The following SPARC variants were observed in gnomAD, a reference collection of about 807,000 sequenced individuals.
SPARC encodes basement-membrane protein 40.
A neutral mutation model predicts 37.7 loss-of-function variants in SPARC; 23 were observed. The observed-to-expected ratio is 0.61, with a 90% CI of 0.44 to 0.87. The LOEUF is 0.87. Among genes scored for constraint, SPARC ranks in the 40% least tolerant of loss-of-function variants. The pLI, the probability that SPARC is intolerant of heterozygous loss-of-function variation, is 0.00. For missense variants in SPARC, 312 were observed against 389.0 expected (o/e 0.80, Z 1.66); for synonymous variants, 155 against 150.8 (o/e 1.03, Z -0.20).
rs1198996228 is a variant in SPARC at position 151,666,414 on chromosome 5, G to A, written c.681C>T (p.Tyr227=). The A allele has an allele frequency of 2.5e-6, 4 of 1,614,220 alleles. No homozygotes were observed. The highest frequency in any genetic ancestry group is 1.1e-5 in the South Asian group (1 of 91,088). The change falls in exon 8 of 10, where the codon TAC becomes TAT. Residue 227 remains tyrosine, a synonymous_variant. Coordinates refer to ENST00000231061, the MANE Select transcript of SPARC (RefSeq NM_003118.4). Reference sequence around the variant, plus strand: ...CGAACTGCCAGTGTACAGGGAAGATGTACATGTTATAGTTCTTCTCGAAGT... The same window carrying A: ...CGAACTGCCAGTGTACAGGGAAGATATACATGTTATAGTTCTTCTCGAAGT... ...ARDFEKNYNM[Y]IFPVHWQFGQ...
chr5:151,680,288 C>A (rs116523663), intron 1 of SPARC, among the ~76,000 whole-genome samples: 1 of 123,348 alleles, frequency 8.1e-6, no homozygotes, highest in African/African-American at 3.2e-5. Context: ...GTGTGGTTGG[C>A]GCAATCTCAG....
chr5:151,681,989 CAT>C (rs1761004915), intron 1 of SPARC, among the ~76,000 whole-genome samples: 1 of 152,176 alleles, frequency 6.6e-6, no homozygotes, highest in African/African-American at 2.4e-5. Flanking sequence ...TACCTTGGAA[CAT>C]CTGTACTTTC....
At chr5:151,666,744 AG>A (rs1328750628) in intron 7 of SPARC, among the ~76,000 whole-genome samples, 1 of 152,242 alleles carries the variant, frequency 6.6e-6, no homozygotes, top group South Asian at 2.1e-4. Context: ...CACCTGGCGA[AG>A]GCCGGGCACA....
intron 1 of SPARC, among the ~76,000 whole-genome samples, chr5:151,681,754 A>G (rs976926481): frequency 8.5e-5 from 13 of 152,296 alleles, no homozygotes; most frequent in African/African-American, 2.9e-4. Flanking sequence ...TTAGCCGGGC[A>G]TGGTGGCGGG....
In SPARC at chr5:151,673,573, C is replaced by G. The variant is rs532823157; in HGVS notation, c.121-357G>C. Among the ~76,000 whole-genome samples the G allele has an allele frequency of 2.6e-5, 4 of 152,278 alleles. No homozygotes were observed. The South Asian group carries it at 8.3e-4, about 32-fold the overall frequency. On this transcript the variant is annotated intron_variant, in intron 3 of 9. Coordinates refer to ENST00000231061, the MANE Select transcript of SPARC (RefSeq NM_003118.4). The stretch of plus-strand genomic sequence containing the variant: ...ACGCTTATCTGATTGCTTCCTCTCC[C>G]CTATTGTTTATGTAAAAATGCAGAT...
rs1271171343 is a variant in SPARC, at chr5:151,666,408, G to A, written c.687C>T (p.Phe229=). ...DFEKNYNMYI[F]PVHWQFGQLD... is the part of the protein sequence containing the mutation. Reference sequence around the variant, plus strand: ...GCTGGCCGAACTGCCAGTGTACAGGGAAGATGTACATGTTATAGTTCTTCT... The same window carrying A: ...GCTGGCCGAACTGCCAGTGTACAGGAAAGATGTACATGTTATAGTTCTTCT... Residue 229 remains phenylalanine, a synonymous_variant, in exon 8 of 10, where the codon TTC becomes TTT. Coordinates refer to ENST00000231061, the MANE Select transcript of SPARC (RefSeq NM_003118.4). 6.2e-7 allele frequency: 1 copy of A among 1,614,186 alleles called. No individual in the cohort carries two copies. The highest frequency in any genetic ancestry group is 8.5e-7 in the Non-Finnish European group (1 of 1,180,000).
At chr5:151,677,201 C>G (rs1467566829) in intron 1 of SPARC, among the ~76,000 whole-genome samples, 1 of 152,158 alleles carries the variant, frequency 6.6e-6, no homozygotes, top group African/African-American at 2.4e-5. Context: ...TCATTTCTTG[C>G]ACTAACTAAA....
chr5:151,676,115 G>A lies in SPARC; in HGVS notation c.57+17C>T. 6.2e-7 allele frequency: 1 copy of A among 1,605,386 alleles called. No homozygotes were observed. The highest frequency in any genetic ancestry group is 1.1e-5 in the South Asian group (1 of 89,334). ...GGTAGGAATGAAAACAAGAAGACAT[G>A]ATATTTAGGTACTTACAGGGGCTGC... is the stretch of plus-strand genomic sequence containing the variant. On this transcript the variant is annotated intron_variant, in intron 2 of 9. Coordinates refer to ENST00000231061, the MANE Select transcript of SPARC (RefSeq NM_003118.4).
chr5:151,669,487 T>G (rs937446162), intron 6 of SPARC, among the ~76,000 whole-genome samples, 177 bp downstream of exon 6: 1 of 152,020 alleles, frequency 6.6e-6, no homozygotes, highest in African/African-American at 2.4e-5. Context: ...GAACTCAGAG[T>G]TGAGAGGAGC....
At chr5:151,683,238 C>T (rs957851773) in intron 1 of SPARC, among the ~76,000 whole-genome samples, 2 of 152,220 alleles carry the variant, frequency 1.3e-5, no homozygotes, top group Non-Finnish European at 2.9e-5. Context: ...AGGGAGCAGC[C>T]GCCTACAGGC....
At chr5:151,682,878 T>C (rs1271015082) in intron 1 of SPARC, among the ~76,000 whole-genome samples, 2 of 152,244 alleles carry the variant, frequency 1.3e-5, no homozygotes, top group East Asian at 3.8e-4. Context: ...ACCAAGTTTC[T>C]GAAAGAAACC....
chr5:151,671,267 GC>G (rs1760743690), intron 5 of SPARC, among the ~76,000 whole-genome samples: 1 of 152,110 alleles, frequency 6.6e-6, no homozygotes, highest in African/African-American at 2.4e-5. Context: ...CTTCAGTTTG[GC>G]CCCAGAACCC....
chr5:151,667,596 G>A lies in SPARC; in HGVS notation c.456C>T (p.Ile152=), dbSNP rs1333392159. 6.2e-7 allele frequency: 1 copy of A among 1,614,108 alleles called. No individual in the cohort carries two copies. The highest frequency in any genetic ancestry group is 2.2e-5 in the East Asian group (1 of 44,872). The change falls in exon 7 of 10, where the codon ATC becomes ATT. Residue 152 remains isoleucine, a synonymous_variant. Coordinates refer to ENST00000231061, the MANE Select transcript of SPARC (RefSeq NM_003118.4). ...HLDYIGPCKY[I]PPCLDSELTE... is the part of the protein sequence containing the mutation. ...TCAGCTCAGAGTCCAGGCAAGGGGG[G>A]ATGTCTAGGTTCCAAACACAAGGGC...
chr5:151,668,080 C>A (rs1264802291), intron 6 of SPARC, among the ~76,000 whole-genome samples: 3 of 152,178 alleles, frequency 2.0e-5, no homozygotes, highest in Non-Finnish European at 2.9e-5. Context: ...AACTTAGAAT[C>A]CCAAATGTTG....
chr5:151,667,778 T>G, intron 6 of SPARC, 178 bp from the exon 7 acceptor site: 1 of 679,404 alleles, frequency 1.5e-6, no homozygotes, highest in Non-Finnish European at 2.5e-6. Context: ...GTGGGAAGAA[T>G]GCCCTAGAAA....
chr5:151,665,928 G>A (rs1760609642), intron 8 of SPARC, among the ~76,000 whole-genome samples: 1 of 152,230 alleles, frequency 6.6e-6, no homozygotes, highest in African/African-American at 2.4e-5. Flanking sequence ...TCCAGGGTCA[G>A]TTGGGCCCTA....
intron 6 of SPARC, among the ~76,000 whole-genome samples, chr5:151,669,027 A>G (rs1240065355): frequency 6.6e-6 from 1 of 152,086 alleles, no homozygotes; most frequent in East Asian, 1.9e-4. Flanking sequence ...AGGATACTGA[A>G]CAAGGCACTT....
chr5:151,666,283 C>T (rs1182529594), intron 8 of SPARC, 78 bp downstream of exon 8: 3 of 1,474,742 alleles, frequency 2.0e-6, no homozygotes, highest in Non-Finnish European at 2.8e-6. Flanking sequence ...GCAGTATAGG[C>T]TGCTGAGAGG....
intron 1 of SPARC, among the ~76,000 whole-genome samples, chr5:151,680,216 CTTTTTTTT>C (rs58021431): frequency 1.9e-4 from 12 of 61,970 alleles, no homozygotes; most frequent in South Asian, 6.9e-4. Flanking sequence ...TGGAAAACAT[CTTTTTTTT>C]TTTTTTTTTT....
Sources: allele counts gnomAD v4.1 joint callset (sites outside exome capture counted in the v4.1 genomes callset), GRCh38; gene constraint gnomAD v4.1.1; transcripts MANE v1.5; gene names NCBI Gene and HGNC (gene_info 2026-07-23, HGNC 2026-07-21).